The following DPY19L3 variants were observed in gnomAD, a reference collection of about 807,000 sequenced individuals.
The protein encoded by DPY19L3 is dpy-19 like C-mannosyltransferase 3.
A neutral mutation model predicts 92.3 loss-of-function variants in DPY19L3; 51 were observed. The observed-to-expected ratio is 0.55, with a 90% CI of 0.44 to 0.70. The LOEUF (loss-of-function observed/expected upper bound fraction) is 0.70, where lower values mean the gene tolerates loss of function less well. Ranked by LOEUF, DPY19L3 falls within the 30% of genes least tolerant of loss-of-function variation. The pLI is 0.00. For missense variants in DPY19L3, 706 were observed against 855.9 expected (o/e 0.82, Z 2.18); for synonymous variants, 309 against 315.2 (o/e 0.98, Z 0.21).
chr19:32,482,953 G>C lies in DPY19L3; in HGVS notation c.*713G>C, dbSNP rs1296720092. ...AAGTTCCATATCGTAAGTCCTTAAA[G>C]GGGCAGAAATATATGTAGCCAAGTA... is the stretch of plus-strand genomic sequence containing the variant. On this transcript the variant is annotated 3_prime_UTR_variant, in exon 19 of 19. Transcript: ENST00000392250. 6.6e-6 allele frequency: 1 copy of C among 152,220 alleles called. No individual in the cohort carries two copies. Among genetic ancestry groups the C allele is most frequent in the Admixed American group, 6.5e-5 (1 of 15,278 alleles). The allele number at this position is 152,220 out of a possible 1,614,324, so 9.4% of individuals were successfully genotyped here. A position where few individuals can be genotyped will look rare whatever the true frequency, so the allele number is the denominator to read the frequency against.
At chr19:32,436,883 A>G (rs1969158863) in intron 5 of DPY19L3, among the ~76,000 whole-genome samples, 1 of 152,126 alleles carries the variant, frequency 6.6e-6, no homozygotes, top group African/African-American at 2.4e-5. Flanking sequence ...GAGAGAAAAA[A>G]TTTGTAAAGT....
chr19:32,444,034 C>CAA (rs61073758), intron 8 of DPY19L3, among the ~76,000 whole-genome samples: 1 of 129,928 alleles, frequency 7.7e-6, no homozygotes. Flanking sequence ...GACTCTGTCT[C>CAA]AAAAAAAAAA....
chr19:32,427,167 A>G (rs953823287), intron 3 of DPY19L3, among the ~76,000 whole-genome samples: 1 of 151,954 alleles, frequency 6.6e-6, no homozygotes, highest in Non-Finnish European at 1.5e-5. Flanking sequence ...CTAATTTTTT[A>G]TATTTTTAGT....
intron 9 of DPY19L3, among the ~76,000 whole-genome samples, 159 bp downstream of exon 9, chr19:32,453,435 C>A (rs1215842105): frequency 1.3e-5 from 2 of 152,136 alleles, no homozygotes; most frequent in African/African-American, 4.8e-5. Flanking sequence ...CATGTGGTAG[C>A]ATTTCTGTTT....
At chr19:32,431,960 T>C (rs1477667280) in intron 3 of DPY19L3, among the ~76,000 whole-genome samples, 2 of 152,220 alleles carry the variant, frequency 1.3e-5, no homozygotes, top group Non-Finnish European at 2.9e-5. Flanking sequence ...TCGTGTTGGC[T>C]CTCAGAAGGT....
intron 3 of DPY19L3, among the ~76,000 whole-genome samples, chr19:32,415,563 C>T (rs1002045628): frequency 6.6e-5 from 10 of 152,114 alleles, no homozygotes; most frequent in African/African-American, 2.4e-4. Context: ...GTAGTGAACC[C>T]TATTTTTAGT....
chr19:32,451,228 T>C (rs76091872), intron 8 of DPY19L3, among the ~76,000 whole-genome samples: 1,750 of 152,338 alleles, frequency 0.011, 42 homozygotes, highest in African/African-American at 0.039. Context: ...GAATAGTCAC[T>C]GATGTGAGAA....
intron 14 of DPY19L3, 151 bp from the exon 15 acceptor site, chr19:32,464,577 C>T (rs950311203): frequency 8.7e-6 from 4 of 460,482 alleles, no homozygotes; most frequent in Non-Finnish European, 1.5e-5. Flanking sequence ...TGGCTCACTC[C>T]TATAATCCTA....
chr19:32,461,242 C>T (rs1317810839), intron 12 of DPY19L3, among the ~76,000 whole-genome samples: 2 of 151,478 alleles, frequency 1.3e-5, no homozygotes, highest in Admixed American at 1.3e-4. Context: ...TTCCCTGCCT[C>T]AGCCTCCCAA....
rs192306321 is a variant in DPY19L3, at chr19:32,457,426, C to A, written c.1090-674C>A. On this transcript the variant is annotated intron_variant, in intron 10 of 18. Transcript: ENST00000392250. ...GCAAAAGACCAGATTTGTGGCTCAT[C>A]TCTAATGAATATATTGTGTGTACTG... 2.7e-4 allele frequency among the ~76,000 whole-genome samples: 41 copies of A among 152,304 alleles called. No individual in the cohort carries two copies. In the East Asian group the frequency reaches 7.3e-3, roughly 27 times the overall value.
chr19:32,465,047 G>A (rs932933297), intron 15 of DPY19L3, among the ~76,000 whole-genome samples: 1 of 152,166 alleles, frequency 6.6e-6, no homozygotes, highest in African/African-American at 2.4e-5. Context: ...ATATTCAGCT[G>A]ATGCAAATTC....
At chr19:32,440,435 T>C (rs919180885) in intron 8 of DPY19L3, among the ~76,000 whole-genome samples, 1 of 152,212 alleles carries the variant, frequency 6.6e-6, no homozygotes, top group African/African-American at 2.4e-5. Context: ...AAAATATGAT[T>C]TTATGTATTG....
intron 14 of DPY19L3, 133 bp downstream of exon 14, chr19:32,464,113 T>C (rs1970128539): frequency 4.6e-6 from 2 of 436,918 alleles, no homozygotes; most frequent in East Asian, 3.5e-5. Flanking sequence ...ATAATTGATA[T>C]ATTAAGATTT....
Position 32,455,021 on chromosome 19 carries a change from T to A in DPY19L3, c.1070T>A (p.Phe357Tyr). ...HLFMVLCLTL[F>Y]LNNIIKKILN... The stretch of plus-strand genomic sequence containing the variant: ...TTTATGGTTTTATGTTTGACACTTT[T>A]TCTCAACAACATAATTAAGGTAAGT... Residue 357 changes from phenylalanine (F) to tyrosine (Y), a missense_variant, in exon 10 of 19, where the codon TTT (phenylalanine) becomes TAT (tyrosine). By Grantham distance (22) the Phe-to-Tyr change is conservative. Transcript: ENST00000392250. 1.3e-6 allele frequency: 2 copies of A among 1,558,620 alleles called. No homozygotes were observed. The highest frequency in any genetic ancestry group is 1.7e-6 in the Non-Finnish European group (2 of 1,156,090).
Position 32,408,211 on chromosome 19 carries a change from A to G in DPY19L3, c.-37-6A>G, listed in dbSNP as rs117598409. 5,569 of 1,441,624 alleles carry G rather than the reference A, an allele frequency of 3.9e-3. 35 individuals are homozygous for G. The highest frequency in any genetic ancestry group is 0.031 in the East Asian group (1,350 of 44,038). The allele number at this position is 1,441,624 out of a possible 1,614,324, so 89.3% of individuals were successfully genotyped here. On this transcript the variant is annotated splice_polypyrimidine_tract_variant and splice_region_variant and intron_variant, in intron 1 of 18. Transcript: ENST00000392250. ...TGACGTTGATGGCCTGTTTATTGCT[A>G]TCTAGGAGTGATTTGGAGAACAATG...
chr19:32,449,723 A>C (rs1969634767), intron 8 of DPY19L3, among the ~76,000 whole-genome samples: 1 of 152,218 alleles, frequency 6.6e-6, no homozygotes, highest in Non-Finnish European at 1.5e-5. Context: ...CGACATGCAA[A>C]AGAATGAAGT....
At chr19:32,447,750 T>C (rs1969547234) in intron 8 of DPY19L3, among the ~76,000 whole-genome samples, 1 of 148,428 alleles carries the variant, frequency 6.7e-6, no homozygotes, top group Admixed American at 6.8e-5. Flanking sequence ...GATAGATAGA[T>C]AGATAGATAG....
chr19:32,468,241 G>C (rs1022271515), intron 15 of DPY19L3: 103 of 956,368 alleles, frequency 1.1e-4, no homozygotes, highest in South Asian at 7.7e-4. Context: ...CCATGTCATG[G>C]GTTATTGTGA....
intron 4 of DPY19L3, among the ~76,000 whole-genome samples, chr19:32,433,969 T>A (rs1969053426): frequency 6.6e-6 from 1 of 152,182 alleles, no homozygotes; most frequent in South Asian, 2.1e-4. Flanking sequence ...CATTCCTCCT[T>A]ATTTATTAGT....
Sources: gnomAD v4.1 joint callset for allele counts (sites outside exome capture counted in the v4.1 genomes callset) on GRCh38, gnomAD v4.1.1 for gene constraint, MANE v1.5 for transcripts, NCBI Gene and HGNC (gene_info 2026-07-23, HGNC 2026-07-21) for gene names.